Variants in SORCS2 observed in about 807,000 individuals in gnomAD.
SORCS2 encodes the protein VPS10 domain-containing receptor SorCS2.
Under a neutral mutation model 141.6 loss-of-function variants are expected in SORCS2, and 100 were observed. That is an observed-to-expected ratio of 0.71 (90% CI 0.60 to 0.83). The LOEUF (loss-of-function observed/expected upper bound fraction) is 0.83. Ranked by LOEUF, SORCS2 falls within the 40% of genes least tolerant of loss-of-function variation. SORCS2 has a pLI of 0.00. For synonymous variants in SORCS2, 789 were observed against 676.9 expected (o/e 1.17, Z -2.57); for missense variants, 1,646 against 1,560.2 (o/e 1.05, Z -0.93).
chr4:7,281,304 C>A (rs1190032950), intron 1 of SORCS2, among the ~76,000 whole-genome samples: 2 of 152,144 alleles, frequency 1.3e-5, no homozygotes, highest in African/African-American at 4.8e-5. Context: ...CCCATCTCCG[C>A]TTGTCGGTGA....
At chr4:7,333,957 T>C (rs1348211692) in intron 1 of SORCS2, among the ~76,000 whole-genome samples, 2 of 152,092 alleles carry the variant, frequency 1.3e-5, no homozygotes, top group Admixed American at 1.3e-4. Flanking sequence ...CTCTGCCCCT[T>C]GGGCCTAGCC....
intron 5 of SORCS2, 46 bp downstream of exon 5, chr4:7,654,253 G>A (rs139980810): frequency 3.5e-4 from 541 of 1,540,622 alleles, no homozygotes; most frequent in Non-Finnish European, 4.5e-4. Flanking sequence ...CGCAGCTCTG[G>A]TGAGAGCACT....
At chr4:7,475,307 G>C (rs148810950) in intron 2 of SORCS2, among the ~76,000 whole-genome samples, 2 of 152,284 alleles carry the variant, frequency 1.3e-5, no homozygotes, top group East Asian at 3.9e-4. Context: ...AGCTGGTCAT[G>C]GTGGGAAGAC....
intron 1 of SORCS2, among the ~76,000 whole-genome samples, chr4:7,349,161 T>C (rs1463160151): frequency 6.6e-6 from 1 of 152,134 alleles, no homozygotes; most frequent in Non-Finnish European, 1.5e-5. Context: ...GAGTGGGCGC[T>C]GTGTCTACGA....
At chr4:7,334,411 C>T (rs1328284497) in intron 1 of SORCS2, among the ~76,000 whole-genome samples, 3 of 152,118 alleles carry the variant, frequency 2.0e-5, no homozygotes, top group Admixed American at 6.5e-5. Flanking sequence ...CCACAGCCCC[C>T]CAGGGGCTGG....
intron 2 of SORCS2, chr4:7,434,814 G>A: frequency 7.5e-6 from 12 of 1,605,428 alleles, no homozygotes; most frequent in Non-Finnish European, 1.0e-5. Context: ...ACTCCTGGGG[G>A]CCTGAGGTGG....
At chr4:7,505,970 A>T (rs1278652210) in intron 2 of SORCS2, among the ~76,000 whole-genome samples, 1 of 151,806 alleles carries the variant, frequency 6.6e-6, no homozygotes, top group East Asian at 1.9e-4. Context: ...AAAACACCCA[A>T]CTCCCAGAGT....
At chr4:7,708,148 G>A (rs771492509) in intron 14 of SORCS2, among the ~76,000 whole-genome samples, 2 of 152,188 alleles carry the variant, frequency 1.3e-5, no homozygotes, top group African/African-American at 4.8e-5. Context: ...TAAACTCCAC[G>A]AGGTCGCCGC....
intron 2 of SORCS2, chr4:7,434,951 G>A (rs1727196655): frequency 1.4e-6 from 2 of 1,454,912 alleles, no homozygotes; most frequent in Non-Finnish European, 1.8e-6. Flanking sequence ...CTCCTGCCTG[G>A]CCCCAGAGGA....
chr4:7,207,308 G>A (rs1223545054), intron 1 of SORCS2, among the ~76,000 whole-genome samples: 1 of 152,234 alleles, frequency 6.6e-6, no homozygotes, highest in Non-Finnish European at 1.5e-5. Context: ...CTGTGTCTGG[G>A]AAGGCTTGCT....
At chr4:7,636,638 C>G (rs934152338) in intron 3 of SORCS2, among the ~76,000 whole-genome samples, 1 of 152,100 alleles carries the variant, frequency 6.6e-6, no homozygotes. Flanking sequence ...CCAAACCCAG[C>G]CGGGATAAGG....
intron 3 of SORCS2, among the ~76,000 whole-genome samples, chr4:7,572,182 A>G (rs1431537661): frequency 6.6e-6 from 1 of 152,202 alleles, no homozygotes; most frequent in Non-Finnish European, 1.5e-5. Context: ...ACAAGGTGCA[A>G]GACAATAGCA....
At chr4:7,534,275 T>C (rs1292328252) in intron 3 of SORCS2, among the ~76,000 whole-genome samples, 2 of 152,130 alleles carry the variant, frequency 1.3e-5, no homozygotes, top group South Asian at 2.1e-4. Context: ...CAGGGTGGTG[T>C]AGAGGACAGT....
In SORCS2 at chr4:7,636,166, G is replaced by T. The variant is rs1305131381; in HGVS notation, c.649-2162G>T. On this transcript the variant is annotated intron_variant, in intron 3 of 26. Transcript: ENST00000507866. Reference sequence around the variant, plus strand: ...CTTAAATGCCCCATTCTGCGTAGGCGCACCCTGCAGTGTGTGGCTAAGAAC... The same window carrying T: ...CTTAAATGCCCCATTCTGCGTAGGCTCACCCTGCAGTGTGTGGCTAAGAAC... Among the ~76,000 whole-genome samples the T allele has an allele frequency of 2.6e-5, 4 of 151,882 alleles. No homozygotes were observed. The East Asian group carries it at 5.8e-4, about 22-fold the overall frequency.
intron 1 of SORCS2, among the ~76,000 whole-genome samples, chr4:7,359,934 C>T (rs142854432): frequency 3.3e-5 from 5 of 152,198 alleles, no homozygotes; most frequent in East Asian, 1.9e-4. Context: ...CTGCTCTTCA[C>T]GGGGAAAGGA....
chr4:7,454,187 G>T (rs1166601945), intron 2 of SORCS2, among the ~76,000 whole-genome samples: 1 of 130,274 alleles, frequency 7.7e-6, no homozygotes, highest in Non-Finnish European at 1.6e-5. Context: ...GCGCTGTGTT[G>T]GGGTCAGGTG....
At chr4:7,222,530 G>A (rs984953512) in intron 1 of SORCS2, among the ~76,000 whole-genome samples, 29 of 152,128 alleles carry the variant, frequency 1.9e-4, no homozygotes, top group Admixed American at 4.6e-4. Context: ...TGAAGCACTC[G>A]TCTAAAATGG....
chr4:7,497,891 G>A (rs34607342), intron 2 of SORCS2, among the ~76,000 whole-genome samples: 12,532 of 152,342 alleles, frequency 0.082, 561 homozygotes, highest in African/African-American at 0.12. Context: ...GCCAGATAAC[G>A]TGCATAGTGG....
chr4:7,563,569 G>C (rs534795484), intron 3 of SORCS2, among the ~76,000 whole-genome samples: 1 of 152,244 alleles, frequency 6.6e-6, no homozygotes, highest in South Asian at 2.1e-4. Flanking sequence ...AGAACTCTGG[G>C]GTTTGGAGGG....
Sources: gnomAD v4.1 joint callset for allele counts (sites outside exome capture counted in the v4.1 genomes callset) on GRCh38, gnomAD v4.1.1 for gene constraint, MANE v1.5 for transcripts, NCBI Gene and HGNC (gene_info 2026-07-23, HGNC 2026-07-21) for gene names.